QSOX1: variants seen among roughly 807,000 people sequenced by gnomAD.
QSOX1 encodes the protein sulfhydryl oxidase 1.
A neutral mutation model predicts 76.1 loss-of-function variants in QSOX1; 40 were observed. The ratio of observed to expected loss-of-function variants is 0.53; its 90% CI spans 0.41 to 0.68. The LOEUF (loss-of-function observed/expected upper bound fraction) is 0.68. QSOX1 is among the 30% of genes least tolerant of loss of function. QSOX1 has a pLI of 0.00. For missense variants in QSOX1, 931 were observed against 974.3 expected (o/e 0.96, Z 0.59); for synonymous variants, 392 against 413.1 (o/e 0.95, Z 0.62).
In QSOX1 at chr1:180,196,250, T is replaced by G; in HGVS notation, c.1469-12T>G. On this transcript the variant is annotated splice_polypyrimidine_tract_variant and intron_variant, in intron 11 of 11. Coordinates refer to ENST00000367602, the MANE Select transcript of QSOX1 (RefSeq NM_002826.5). The surrounding 1 kb of genome is among the most constrained non-coding windows in gnomAD (Gnocchi z 4.1). ...GATGTCACCACCAGCCTGTGTATGCTTCCCTCTGTAGGTGCCCCCAGCGAG... is the reference window on the plus strand; with the variant it reads ...GATGTCACCACCAGCCTGTGTATGCGTCCCTCTGTAGGTGCCCCCAGCGAG... 1 of 1,601,680 alleles carries G rather than the reference T, an allele frequency of 6.2e-7. No homozygotes were observed.
At chr1:180,164,653 C>T (rs990521713) in intron 1 of QSOX1, among the ~76,000 whole-genome samples, 2 of 152,202 alleles carry the variant, frequency 1.3e-5, no homozygotes, top group Admixed American at 6.5e-5. Context: ...GTGAGGGTAA[C>T]ACTCCTTCCC....
At chr1:180,169,464 A>C (rs1221907438) in intron 2 of QSOX1, among the ~76,000 whole-genome samples, 1 of 152,212 alleles carries the variant, frequency 6.6e-6, no homozygotes, top group Non-Finnish European at 1.5e-5. Flanking sequence ...GTGGCTTGGA[A>C]AGTCACTTAT....
At chr1:180,157,223 G>A (rs1224741908) in intron 1 of QSOX1, among the ~76,000 whole-genome samples, 9 of 152,238 alleles carry the variant, frequency 5.9e-5, no homozygotes, top group African/African-American at 1.7e-4. Context: ...AGTGGAAACT[G>A]GAGGTCTCCT....
In QSOX1 at chr1:180,198,078, C is replaced by A; in HGVS notation, c.*1041C>A. The A allele has an allele frequency of 2.4e-6, 1 of 418,492 alleles. No individual in the cohort carries two copies. Among genetic ancestry groups the A allele is most frequent in the Non-Finnish European group, 4.9e-6 (1 of 202,026 alleles). The allele number at this position is 418,492 out of a possible 1,614,324, so 25.9% of individuals were successfully genotyped here. The stretch of plus-strand genomic sequence containing the variant: ...ACTTGCTACTTGGAGACCTAGTGTC[C>A]AGTCTGGACAGAATGCACAGAGACC... On this transcript the variant is annotated 3_prime_UTR_variant, in exon 12 of 12. Coordinates refer to ENST00000367602, the MANE Select transcript of QSOX1 (RefSeq NM_002826.5).
At chr1:180,189,776 G>A in intron 9 of QSOX1, 102 bp downstream of exon 9, 1 of 1,369,238 alleles carries the variant, frequency 7.3e-7, no homozygotes, top group African/African-American at 1.5e-5. Flanking sequence ...GTTTGCACCA[G>A]GGAGTCAGTG....
At chr1:180,194,183 C>CTGG in intron 10 of QSOX1, 30 bp from the exon 11 acceptor site, 2 of 1,580,066 alleles carry the variant, frequency 1.3e-6, no homozygotes, top group Non-Finnish European at 8.6e-7. Context: ...GCCTGAAGGG[C>CTGG]TGGTGCGTGG....
In QSOX1 at chr1:180,194,372, G is replaced by C; in HGVS notation, c.1448G>C (p.Arg483Thr). ...CTCTGGCTCTGGTCTAGCCACAACA[G>C]GGTCAATGCTCGCCTTGCAGGTAAG... is the stretch of plus-strand genomic sequence containing the variant. ...AVLWLWSSHN[R>T]VNARLAGAPS... The change falls in exon 11 of 12, where the codon AGG (arginine) becomes ACG (threonine). Residue 483 changes from arginine to threonine, a missense_variant. Physicochemically the swap from Arg to Thr is moderately conservative, Grantham distance 71. Transcript: ENST00000367602. 1 of 1,563,188 alleles carries C rather than the reference G, an allele frequency of 6.4e-7. No homozygotes were observed. Among genetic ancestry groups the C allele is most frequent in the Non-Finnish European group, 8.7e-7 (1 of 1,148,082 alleles).
intron 3 of QSOX1, 107 bp downstream of exon 3, chr1:180,175,473 A>C (rs919031229): frequency 1.2e-4 from 143 of 1,230,204 alleles, no homozygotes; most frequent in Non-Finnish European, 2.9e-5. Context: ...GGCAGGGTCG[A>C]GGGTGAGGCG....
At position 180,182,206 on chromosome 1, in the gene QSOX1, G is replaced by A; in HGVS notation, c.639G>A (p.Val213=). Residue 213 remains valine (V), a synonymous_variant, in exon 6 of 12, where the codon GTG becomes GTA. Coordinates refer to ENST00000367602, the MANE Select transcript of QSOX1 (RefSeq NM_002826.5). ...VALDLSQHKG[V]AVRRVLNTEA... is the part of the protein sequence containing the mutation. ...TGGACCTGTCCCAGCACAAAGGCGT[G>A]GCGGTGCGCAGGGTGCTGAACACAG... The A allele has an allele frequency of 6.2e-7, 1 of 1,614,208 alleles. No individual in the cohort carries two copies. Among genetic ancestry groups the A allele is most frequent in the African/African-American group, 1.3e-5 (1 of 75,048 alleles).
At chr1:180,184,909 A>G (rs1383371535) in intron 7 of QSOX1, among the ~76,000 whole-genome samples, 1 of 152,246 alleles carries the variant, frequency 6.6e-6, no homozygotes, top group Non-Finnish European at 1.5e-5. Flanking sequence ...TGTAATCATT[A>G]TGATCATTCC....
At chr1:180,176,986 A>C (rs1662912035) in intron 4 of QSOX1, among the ~76,000 whole-genome samples, 1 of 151,872 alleles carries the variant, frequency 6.6e-6, no homozygotes, top group Admixed American at 6.6e-5. Context: ...ATCTTTCCCA[A>C]TTTTCCATCC....
chr1:180,192,979 A>C (rs1485414139), intron 10 of QSOX1, among the ~76,000 whole-genome samples: 1 of 152,132 alleles, frequency 6.6e-6, no homozygotes, highest in Admixed American at 6.5e-5. Context: ...AGGTGTAGTC[A>C]CTGGGGCCAG....
intron 6 of QSOX1, among the ~76,000 whole-genome samples, 188 bp downstream of exon 6, chr1:180,182,507 C>T (rs1663064812): frequency 6.6e-6 from 1 of 152,176 alleles, no homozygotes; most frequent in Non-Finnish European, 1.5e-5. Context: ...GCCTGAAACG[C>T]TAACCCTGTT....
At chr1:180,179,412 C>T (rs529599319) in intron 5 of QSOX1, among the ~76,000 whole-genome samples, 1 of 152,352 alleles carries the variant, frequency 6.6e-6, no homozygotes, top group African/African-American at 2.4e-5. Flanking sequence ...CGTGAGCCAG[C>T]TCCCCAGCGC....
chr1:180,171,936 G>A (rs927266881), intron 2 of QSOX1, among the ~76,000 whole-genome samples: 1 of 152,212 alleles, frequency 6.6e-6, no homozygotes, highest in African/African-American at 2.4e-5. Flanking sequence ...ATCTGTACCA[G>A]AGAGAGGCCA....
intron 4 of QSOX1, among the ~76,000 whole-genome samples, chr1:180,176,954 A>G (rs891224942): frequency 1.3e-5 from 2 of 152,204 alleles, no homozygotes; most frequent in African/African-American, 4.8e-5. Context: ...GGTTGAATCC[A>G]ACTCACAATG....
At position 180,196,664 on chromosome 1, in the gene QSOX1, A is replaced by G. The variant is rs1207786495; in HGVS notation, c.1871A>G (p.His624Arg). Residue 624 changes from histidine (H) to arginine (R), a missense_variant, in exon 12 of 12, where the codon CAC (histidine) becomes CGC (arginine). Physicochemically the swap from His to Arg is conservative, Grantham distance 29 (BLOSUM62 0). Transcript: ENST00000367602. This position sits in a 1 kb window ranked among gnomAD's most constrained non-coding sequence, Gnocchi z 4.1. ...GCACCAGGCCAGGAGCCTCCTGAGC[A>G]CATGGCAGAGCTTCAGAGGAATGAG... ...RAAPGQEPPEHMAELQRNEQE... is the reference protein window; with the variant it reads ...RAAPGQEPPERMAELQRNEQE... The G allele has an allele frequency of 6.2e-7, 1 of 1,614,122 alleles. No individual in the cohort carries two copies. The highest frequency in any genetic ancestry group is 8.5e-7 in the Non-Finnish European group (1 of 1,180,026).
intron 11 of QSOX1, among the ~76,000 whole-genome samples, chr1:180,194,608 G>A (rs535485875): frequency 3.4e-4 from 52 of 152,360 alleles, no homozygotes; most frequent in Middle Eastern, 6.8e-3. Context: ...CCATGCCGTT[G>A]CTCACTTTTT....
chr1:180,202,203 C>T lies in QSOX1; in HGVS notation c.*5166C>T, dbSNP rs1321307633. On this transcript the variant is annotated 3_prime_UTR_variant, in exon 12 of 12. Coordinates refer to ENST00000367602, the MANE Select transcript of QSOX1 (RefSeq NM_002826.5). ...GTGAGGAGGACTCAGGGAACATCTA[C>T]AGACTCTAGGGCTAGGGTGAGATCC... The T allele has an allele frequency of 6.6e-6, 1 of 152,386 alleles. No homozygotes were observed. Among genetic ancestry groups the T allele is most frequent in the Non-Finnish European group, 1.5e-5 (1 of 68,150 alleles). The allele number at this position is 152,386 out of a possible 1,614,324, so 9.4% of individuals were successfully genotyped here.
Sources: allele counts gnomAD v4.1 joint callset (sites outside exome capture counted in the v4.1 genomes callset), GRCh38; gene constraint gnomAD v4.1.1; non-coding constraint Gnocchi (gnomAD v3.1); transcripts MANE v1.5; gene names NCBI Gene and HGNC (gene_info 2026-07-23, HGNC 2026-07-21).